SEMA3C: variants seen among roughly 807,000 people sequenced by gnomAD.
SEMA3C encodes semaphorin-3C.
SEMA3C carries 47 observed loss-of-function variants against 89.4 expected under a neutral mutation model. The ratio of observed to expected loss-of-function variants is 0.53; its 90% CI spans 0.42 to 0.67. The LOEUF (loss-of-function observed/expected upper bound fraction) is 0.67. Ranked by LOEUF, SEMA3C falls within the 30% of genes least tolerant of loss-of-function variation. SEMA3C has a pLI of 0.00. For synonymous variants in SEMA3C, 310 were observed against 320.2 expected (o/e 0.97, Z 0.34); for missense variants, 839 against 929.1 (o/e 0.90, Z 1.26).
intron 2 of SEMA3C, among the ~76,000 whole-genome samples, chr7:80,861,757 G>A (rs1790777023): frequency 6.6e-6 from 1 of 152,088 alleles, no homozygotes; most frequent in South Asian, 2.1e-4. Flanking sequence ...ATGCATCTCA[G>A]ATGATTTAAC....
intron 5 of SEMA3C, chr7:80,815,865 CAG>C (rs1789595696): frequency 6.6e-6 from 1 of 152,062 alleles, no homozygotes; most frequent in Non-Finnish European, 1.5e-5. Context: ...GGTGTTGAAA[CAG>C]ATGTTATGAA....
At chr7:80,869,157 T>C (rs1790998649) in intron 2 of SEMA3C, among the ~76,000 whole-genome samples, 1 of 152,210 alleles carries the variant, frequency 6.6e-6, no homozygotes, top group Admixed American at 6.5e-5. Context: ...GTCGCTGGAA[T>C]GAATGAACTA....
chr7:80,848,091 C>T lies in SEMA3C; in HGVS notation c.104-19346G>A, dbSNP rs1488657409. On this transcript the variant is annotated intron_variant, in intron 2 of 17. Transcript: ENST00000265361. ...AATTCTAGTGTCTCAGAGTTAGTTACGCAATTTCTGAATAATGGTTAAGCA... is the reference window on the plus strand; with the variant it reads ...AATTCTAGTGTCTCAGAGTTAGTTATGCAATTTCTGAATAATGGTTAAGCA... Among the ~76,000 whole-genome samples, 8 of 152,232 alleles carry T rather than the reference C, an allele frequency of 5.3e-5. No homozygotes were observed. In the South Asian group the frequency reaches 6.2e-4, roughly 12 times the overall value.
chr7:80,892,120 A>G (rs1293134943), intron 2 of SEMA3C, among the ~76,000 whole-genome samples: 1 of 152,106 alleles, frequency 6.6e-6, no homozygotes, highest in Non-Finnish European at 1.5e-5. Flanking sequence ...AACTCTTTGC[A>G]TAATGGTAGA....
At chr7:80,840,259 C>A (rs1210806857) in intron 2 of SEMA3C, among the ~76,000 whole-genome samples, 1 of 151,982 alleles carries the variant, frequency 6.6e-6, no homozygotes, top group Non-Finnish European at 1.5e-5. Context: ...GTAGCTCATG[C>A]CTGTAATCCG....
intron 2 of SEMA3C, among the ~76,000 whole-genome samples, chr7:80,904,343 A>G (rs1375535460): frequency 1.3e-5 from 2 of 152,194 alleles, no homozygotes; most frequent in Non-Finnish European, 2.9e-5. Flanking sequence ...ACCTGGCCTA[A>G]ATACCTTTTC....
Position 80,749,043 on chromosome 7 carries a change from T to C in SEMA3C, c.1712-15A>G, listed in dbSNP as rs374211858. The C allele has an allele frequency of 9.6e-4, 1,519 of 1,588,492 alleles. 16 individuals carry two copies. The South Asian group carries it at 0.017, about 17-fold the overall frequency. On this transcript the variant is annotated splice_polypyrimidine_tract_variant and intron_variant, in intron 16 of 17. Transcript: ENST00000265361. ...ATTTCTGTATGCTAGCAGGCAAAAA[T>C]AAAAGGCGAGAGAGAAAGAAAGAAC...
intron 2 of SEMA3C, among the ~76,000 whole-genome samples, chr7:80,898,363 CT>C (rs1409335915): frequency 6.6e-6 from 1 of 150,808 alleles, no homozygotes; most frequent in Non-Finnish European, 1.5e-5. Flanking sequence ...GAGATTTTGT[CT>C]CAAAACAAAC....
rs191920202 is a variant in SEMA3C at position 80,768,607 on chromosome 7, T to C, written c.1355-3364A>G. ...TAAAGATTAGAAGTGAAAAAACATTTGGGGATGGGGATGCTGTGCAGAGAC... is the reference window on the plus strand; with the variant it reads ...TAAAGATTAGAAGTGAAAAAACATTCGGGGATGGGGATGCTGTGCAGAGAC... On this transcript the variant is annotated intron_variant, in intron 12 of 17. Transcript: ENST00000265361. Among the ~76,000 whole-genome samples, 36 of 152,160 alleles carry C rather than the reference T, an allele frequency of 2.4e-4. 1 individual carries two copies. Among genetic ancestry groups the C allele is most frequent in the Middle Eastern group, 3.4e-3 (1 of 292 alleles).
chr7:80,865,685 T>C (rs1056214222), intron 2 of SEMA3C, among the ~76,000 whole-genome samples: 3 of 151,906 alleles, frequency 2.0e-5, no homozygotes, highest in African/African-American at 7.3e-5. Context: ...ATATCAGCTA[T>C]TCGGGAGGCT....
intron 2 of SEMA3C, among the ~76,000 whole-genome samples, chr7:80,896,034 G>A (rs1351157007): frequency 6.6e-6 from 1 of 151,974 alleles, no homozygotes; most frequent in Non-Finnish European, 1.5e-5. Flanking sequence ...AATGAGAGTT[G>A]TGTTTAGTTT....
chr7:80,765,250 T>C lies in SEMA3C; in HGVS notation c.1355-7A>G. On this transcript the variant is annotated splice_region_variant and splice_polypyrimidine_tract_variant and intron_variant, in intron 12 of 17. Transcript: ENST00000265361. ...TTTTGCACAGTACCCCGATCTAAATTAAAAAAAGAAGAAATGAGATGTTAC... is the reference window on the plus strand; with the variant it reads ...TTTTGCACAGTACCCCGATCTAAATCAAAAAAAGAAGAAATGAGATGTTAC... 6.2e-7 allele frequency: 1 copy of C among 1,600,658 alleles called. No homozygotes were observed. Among genetic ancestry groups the C allele is most frequent in the Non-Finnish European group, 8.5e-7 (1 of 1,170,016 alleles).
chr7:80,903,240 A>G (rs1791926639), intron 2 of SEMA3C, among the ~76,000 whole-genome samples: 1 of 152,198 alleles, frequency 6.6e-6, no homozygotes, highest in Admixed American at 6.5e-5. Context: ...GCTATAGCCT[A>G]CTGCTCCTCA....
chr7:80,742,647 T>A lies in SEMA3C; in HGVS notation c.*2247A>T, dbSNP rs962145871. 1.2e-4 allele frequency: 18 copies of A among 152,004 alleles called. No individual in the cohort carries two copies. Among genetic ancestry groups the A allele is most frequent in the African/African-American group, 4.1e-4 (17 of 41,442 alleles). 9.4% of individuals were successfully genotyped at this position (152,004 alleles called of 1,614,324 possible). On this transcript the variant is annotated 3_prime_UTR_variant, in exon 18 of 18. Coordinates refer to ENST00000265361, the MANE Select transcript of SEMA3C (RefSeq NM_006379.5). ...TTGTTTTCTTACACAGATTGAACAT[T>A]CACCATTATGACAGTTTCATCATGC...
chr7:80,780,942 C>T (rs1459595806), intron 12 of SEMA3C, among the ~76,000 whole-genome samples: 4 of 152,112 alleles, frequency 2.6e-5, no homozygotes, highest in African/African-American at 7.2e-5. Context: ...CATCACAGGT[C>T]TCACTGCACT....
chr7:80,750,497 C>T (rs1787908895), intron 16 of SEMA3C, among the ~76,000 whole-genome samples: 1 of 141,766 alleles, frequency 7.1e-6, no homozygotes, highest in South Asian at 2.2e-4. Context: ...CACACACACA[C>T]ACACATACAC....
chr7:80,785,931 T>C (rs1349762705), intron 12 of SEMA3C, among the ~76,000 whole-genome samples: 1 of 152,174 alleles, frequency 6.6e-6, no homozygotes, highest in East Asian at 1.9e-4. Flanking sequence ...TATACCAATA[T>C]ACTGGTTGTT....
intron 2 of SEMA3C, 114 bp downstream of exon 2, chr7:80,916,565 T>G: frequency 1.1e-6 from 1 of 919,082 alleles, no homozygotes; most frequent in South Asian, 2.5e-5. Flanking sequence ...GCCCAGTAAA[T>G]ATTTTTAAAA....
At chr7:80,787,947 A>G (rs1788842268) in intron 12 of SEMA3C, among the ~76,000 whole-genome samples, 1 of 152,330 alleles carries the variant, frequency 6.6e-6, no homozygotes, top group East Asian at 1.9e-4. Flanking sequence ...GCCAAAAAGG[A>G]TAACAAATGT....
Sources: allele counts gnomAD v4.1 joint callset (sites outside exome capture counted in the v4.1 genomes callset), GRCh38; gene constraint gnomAD v4.1.1; transcripts MANE v1.5; gene names NCBI Gene and HGNC (gene_info 2026-07-23, HGNC 2026-07-21).